PTPRM: variants seen among roughly 807,000 people sequenced by gnomAD.
PTPRM encodes the protein receptor-type tyrosine-protein phosphatase mu.
A neutral mutation model predicts 186.7 loss-of-function variants in PTPRM; 47 were observed. That is an observed-to-expected ratio of 0.25 (90% CI 0.20 to 0.32). The LOEUF (loss-of-function observed/expected upper bound fraction) is 0.32, where lower values mean the gene tolerates loss of function less well. PTPRM is among the 10% of genes least tolerant of loss of function. The pLI, the probability that PTPRM is intolerant of heterozygous loss-of-function variation, is 1.00. For synonymous variants in PTPRM, 668 were observed against 674.9 expected (o/e 0.99, Z 0.16); for missense variants, 1,494 against 1,865.0 (o/e 0.80, Z 3.66).
At chr18:8,255,604 C>T (rs899140705) in intron 19 of PTPRM, among the ~76,000 whole-genome samples, 1 of 151,880 alleles carries the variant, frequency 6.6e-6, no homozygotes, top group African/African-American at 2.4e-5. Context: ...TACTTTTAAA[C>T]CCTAAAGCCA....
chr18:8,343,085 T>C (rs1020274866), intron 22 of PTPRM, among the ~76,000 whole-genome samples: 16 of 152,132 alleles, frequency 1.1e-4, no homozygotes, highest in Non-Finnish European at 1.8e-4. Flanking sequence ...AGTAATGTTA[T>C]CTATTTTTTA....
chr18:8,001,081 C>T (rs751773382), intron 7 of PTPRM, among the ~76,000 whole-genome samples: 1 of 152,128 alleles, frequency 6.6e-6, no homozygotes, highest in Non-Finnish European at 1.5e-5. Context: ...GAAGAGTGAG[C>T]AACTGCAGCT....
Position 8,376,141 on chromosome 18 carries a change from C to T in PTPRM, c.3267C>T (p.Phe1089=), listed in dbSNP as rs377485016. The change falls in exon 25 of 33, where the codon TTC becomes TTT. Residue 1089 remains phenylalanine (F), a synonymous_variant. Coordinates refer to ENST00000580170, the MANE Select transcript of PTPRM (RefSeq NM_001105244.2). ...ACCATGCCACCGGCCTGCTGGGATTCGTGCGGCAAGTCAAGTCCAAGAGCC... is the reference window on the plus strand; with the variant it reads ...ACCATGCCACCGGCCTGCTGGGATTTGTGCGGCAAGTCAAGTCCAAGAGCC... ...VPYHATGLLG[F]VRQVKSKSPP... The T allele has an allele frequency of 1.4e-5, 22 of 1,613,846 alleles. No individual in the cohort carries two copies. The highest frequency in any genetic ancestry group is 1.6e-5 in the Non-Finnish European group (19 of 1,180,020).
intron 1 of PTPRM, among the ~76,000 whole-genome samples, chr18:7,641,268 T>A (rs1326707585): frequency 6.6e-6 from 1 of 152,186 alleles, no homozygotes; most frequent in Non-Finnish European, 1.5e-5. Flanking sequence ...TCAGTAAGTA[T>A]GTGTGTATGT....
intron 11 of PTPRM, among the ~76,000 whole-genome samples, chr18:8,109,532 A>G (rs1324993634): frequency 2.0e-5 from 3 of 152,208 alleles, no homozygotes; most frequent in Non-Finnish European, 2.9e-5. Flanking sequence ...ACCCATGCCA[A>G]CTGGCTAACA....
At chr18:8,139,383 T>C (rs1259680016) in intron 13 of PTPRM, among the ~76,000 whole-genome samples, 1 of 152,216 alleles carries the variant, frequency 6.6e-6, no homozygotes, top group Non-Finnish European at 1.5e-5. Context: ...CTCCAAGCCA[T>C]GAGTGTCTTC....
At chr18:7,603,723 T>G (rs2037462464) in intron 1 of PTPRM, among the ~76,000 whole-genome samples, 1 of 152,228 alleles carries the variant, frequency 6.6e-6, no homozygotes, top group Non-Finnish European at 1.5e-5. Context: ...TGGTTCAGAA[T>G]TAGTGATTTT....
At chr18:8,211,274 A>T (rs1327605252) in intron 14 of PTPRM, among the ~76,000 whole-genome samples, 1 of 151,140 alleles carries the variant, frequency 6.6e-6, no homozygotes, top group Admixed American at 6.6e-5. Context: ...AATGTGGGGC[A>T]TGGGGGAGAG....
chr18:8,122,345 C>T (rs1256654928), intron 13 of PTPRM: 1 of 152,734 alleles, frequency 6.5e-6, no homozygotes, highest in Non-Finnish European at 1.5e-5. Flanking sequence ...GACGAGTCAT[C>T]TTGCCCATTT....
At chr18:7,860,751 C>T (rs1448902183) in intron 2 of PTPRM, among the ~76,000 whole-genome samples, 1 of 152,182 alleles carries the variant, frequency 6.6e-6, no homozygotes, top group African/African-American at 2.4e-5. Flanking sequence ...GAGAACTTAA[C>T]AGGTAAAGAT....
intron 30 of PTPRM, among the ~76,000 whole-genome samples, chr18:8,385,054 T>C (rs1417065893): frequency 6.6e-6 from 1 of 151,922 alleles, no homozygotes; most frequent in Non-Finnish European, 1.5e-5. Context: ...GGAAAATTAC[T>C]AAGGGGAGGC....
At chr18:7,665,966 T>A (rs2039086268) in intron 1 of PTPRM, among the ~76,000 whole-genome samples, 1 of 152,108 alleles carries the variant, frequency 6.6e-6, no homozygotes, top group African/African-American at 2.4e-5. Context: ...ATTCTATGAA[T>A]CATAAGTAGC....
chr18:8,012,042 CTG>C (rs2084563099), intron 7 of PTPRM, among the ~76,000 whole-genome samples: 1 of 152,264 alleles, frequency 6.6e-6, no homozygotes, highest in South Asian at 2.1e-4. Context: ...GTTTCCCTTT[CTG>C]TGTTTCTGGT....
At chr18:7,754,529 A>G (rs1050039773) in intron 1 of PTPRM, among the ~76,000 whole-genome samples, 1 of 152,170 alleles carries the variant, frequency 6.6e-6, no homozygotes, top group Non-Finnish European at 1.5e-5. Flanking sequence ...ATTGTCTCTC[A>G]GTATTGAGAT....
At chr18:7,727,102 C>T (rs73391582) in intron 1 of PTPRM, among the ~76,000 whole-genome samples, 10,011 of 151,750 alleles carry the variant, frequency 0.066, 862 homozygotes, top group African/African-American at 0.19. Flanking sequence ...AATAATGGAA[C>T]GGGTGACTTG....
At chr18:7,676,663 A>ATGTGTGTGTGTG (rs765723760) in intron 1 of PTPRM, among the ~76,000 whole-genome samples, 2 of 103,052 alleles carry the variant, frequency 1.9e-5, no homozygotes, top group African/African-American at 7.0e-5. Flanking sequence ...GTGTGTGTGT[A>ATGTGTGTGTGTG]TGTGTGTGTG....
intron 14 of PTPRM, among the ~76,000 whole-genome samples, chr18:8,238,277 A>C (rs1237087267): frequency 1.3e-5 from 2 of 151,910 alleles, no homozygotes; most frequent in Non-Finnish European, 2.9e-5. Flanking sequence ...ATATTCTGAC[A>C]TTTTGTGTGT....
intron 7 of PTPRM, among the ~76,000 whole-genome samples, chr18:8,002,992 C>T (rs985257828): frequency 1.8e-4 from 27 of 151,994 alleles, no homozygotes; most frequent in Admixed American, 3.9e-4. Context: ...TCTATTAGGA[C>T]CAAAAAGATG....
intron 1 of PTPRM, among the ~76,000 whole-genome samples, chr18:7,755,564 AAG>A (rs2041444858): frequency 6.6e-6 from 1 of 152,224 alleles, no homozygotes; most frequent in Admixed American, 6.5e-5. Context: ...GGATAGGTAT[AAG>A]AATTTTATTT....
Sources: allele counts gnomAD v4.1 joint callset (sites outside exome capture counted in the v4.1 genomes callset), GRCh38; gene constraint gnomAD v4.1.1; transcripts MANE v1.5; gene names NCBI Gene and HGNC (gene_info 2026-07-23, HGNC 2026-07-21).